The following BASP1 variants were observed in gnomAD, a reference collection of about 807,000 sequenced individuals.
BASP1 encodes brain acid soluble protein 1.
In BASP1, 1 loss-of-function variant was observed where a neutral mutation model predicts 2.2. The observed-to-expected ratio is 0.46, with a 90% CI of 0.16 to 2.17. The LOEUF is 2.17. Among genes scored for constraint, BASP1 ranks in the 30% most tolerant of loss-of-function variants. The pLI is 0.27. For missense variants in BASP1, 352 were observed against 327.2 expected (o/e 1.08, Z -0.58); for synonymous variants, 187 against 154.2 (o/e 1.21, Z -1.58).
chr5:17,259,569 T>C (rs1050598940), intron 1 of BASP1, among the ~76,000 whole-genome samples: 4 of 152,160 alleles, frequency 2.6e-5, no homozygotes, highest in East Asian at 1.9e-4. Context: ...CATTAAAATA[T>C]GAAATAGCAT....
Position 17,276,728 on chromosome 5 carries a change from G to GAAAAAAAAAAAAAAAAAA in BASP1, c.*838_*839insAAAAAAAAAAAAAAAAAA. ...CCAACACACCACTCATTGGAAAATG[G>GAAAAAAAAAAAAAAAAAA]AAAAAAAAAACAAAAAAAAAACAAA... On this transcript the variant is annotated 3_prime_UTR_variant, in exon 2 of 2. Coordinates refer to ENST00000322611, the MANE Select transcript of BASP1 (RefSeq NM_006317.5). 3.5e-5 allele frequency: 2 copies of GAAAAAAAAAAAAAAAAAA among 57,496 alleles called. No individual in the cohort carries two copies. The allele number at this position is 57,496 out of a possible 1,614,324, so 3.6% of individuals were successfully genotyped here.
upstream of BASP1, among the ~76,000 whole-genome samples, chr5:17,217,374 G>A (rs1739272756): frequency 2.3e-5 from 1 of 43,446 alleles, no homozygotes; most frequent in Admixed American, 1.9e-4. Context: ...GCGTGTCCAG[G>A]CTGGAGGGGA....
chr5:17,232,978 TAA>T (rs1055966642), intron 1 of BASP1, among the ~76,000 whole-genome samples: 1 of 152,232 alleles, frequency 6.6e-6, no homozygotes, highest in Non-Finnish European at 1.5e-5. Context: ...TCTTATTAAA[TAA>T]AAAAGTTTGT....
At chr5:17,218,891 T>C (rs922776172) in intron 1 of BASP1, among the ~76,000 whole-genome samples, 1 of 152,150 alleles carries the variant, frequency 6.6e-6, no homozygotes, top group Non-Finnish European at 1.5e-5. Flanking sequence ...CCCAGAGACA[T>C]TTCCGCCTTG....
rs576517154 is a variant in BASP1, at chr5:17,220,559, TAGAG to T, written c.-10+2751_-10+2754del. On this transcript the variant is annotated intron_variant, in intron 1 of 1. Coordinates refer to ENST00000322611, the MANE Select transcript of BASP1 (RefSeq NM_006317.5). ...TAGCTTTTTGCCAAGCTTTAGCAGATAGAGAAATTGAGCCTTTTGATAAAAAGCA... is the reference window on the plus strand; with the variant it reads ...TAGCTTTTTGCCAAGCTTTAGCAGATAAATTGAGCCTTTTGATAAAAAGCA... Among the ~76,000 whole-genome samples, 488 of 152,328 alleles carry T rather than the reference TAGAG, an allele frequency of 3.2e-3. 4 individuals carry two copies. The highest frequency in any genetic ancestry group is 0.011 in the African/African-American group (458 of 41,576).
Position 17,260,026 on chromosome 5 carries a change from A to G in BASP1, c.-9-15182A>G, listed in dbSNP as rs1349340360. 2.0e-5 allele frequency among the ~76,000 whole-genome samples: 3 copies of G among 152,206 alleles called. No individual in the cohort carries two copies. Among genetic ancestry groups the G allele is most frequent in the East Asian group, 3.8e-4 (2 of 5,202 alleles). On this transcript the variant is annotated intron_variant, in intron 1 of 1. Transcript: ENST00000322611. This position sits in a 1 kb window ranked among gnomAD's most constrained non-coding sequence, Gnocchi z 4.2. The stretch of plus-strand genomic sequence containing the variant: ...GCATTTCCTGAGCGGGTTGTGGTTC[A>G]CTTACTCCCTTTATTGACCAAAAGA...
In BASP1 at chr5:17,222,068, A is replaced by G. The variant is rs1982712; in HGVS notation, c.-10+4258A>G. 4.5e-3 allele frequency among the ~76,000 whole-genome samples: 687 copies of G among 152,172 alleles called. 7 individuals are homozygous for G. Among genetic ancestry groups the G allele is most frequent in the African/African-American group, 0.016 (653 of 41,548 alleles). On this transcript the variant is annotated intron_variant, in intron 1 of 1. Transcript: ENST00000322611. ...AATCAACACTTTCAGTGTAATTGAC[A>G]TCACTAACTAATTTCAGTATATTCA... is the stretch of plus-strand genomic sequence containing the variant.
intron 1 of BASP1, among the ~76,000 whole-genome samples, chr5:17,267,848 T>A (rs578014547): frequency 0.016 from 2,232 of 141,182 alleles, 52 homozygotes; most frequent in African/African-American, 0.058. Flanking sequence ...TTTTGCTTTT[T>A]AAAATTTTTT....
At chr5:17,270,481 T>C (rs560890212) in intron 1 of BASP1, among the ~76,000 whole-genome samples, 2 of 152,244 alleles carry the variant, frequency 1.3e-5, no homozygotes, top group South Asian at 4.1e-4. Context: ...AGCGAAGAAG[T>C]AGAGATTTTA....
intron 1 of BASP1, among the ~76,000 whole-genome samples, chr5:17,224,538 G>A (rs2126488106): frequency 6.6e-6 from 1 of 152,208 alleles, no homozygotes; most frequent in South Asian, 2.1e-4. Flanking sequence ...TTTAGAGAGA[G>A]CGATACTAAC....
rs1291217632 is a variant in BASP1, at chr5:17,217,700, A to G, written c.-120A>G. The G allele has an allele frequency of 6.5e-6, 1 of 153,944 alleles. No homozygotes were observed. Among genetic ancestry groups the G allele is most frequent in the African/African-American group, 2.4e-5 (1 of 41,406 alleles). 9.5% of individuals were successfully genotyped at this position (153,944 alleles called of 1,614,324 possible). A position where few individuals can be genotyped will look rare whatever the true frequency, so the allele number is the denominator to read the frequency against. ...CTCCTCGCTCCGGGCTCCGCCGTCGAGCCGGGAGAGAGCCTCCGCCAGCGG... is the reference window on the plus strand; with the variant it reads ...CTCCTCGCTCCGGGCTCCGCCGTCGGGCCGGGAGAGAGCCTCCGCCAGCGG... On this transcript the variant is annotated 5_prime_UTR_variant, in exon 1 of 2. Coordinates refer to ENST00000322611, the MANE Select transcript of BASP1 (RefSeq NM_006317.5).
chr5:17,259,933 G>A (rs368961885), intron 1 of BASP1, among the ~76,000 whole-genome samples: 7 of 152,168 alleles, frequency 4.6e-5, no homozygotes, highest in African/African-American at 1.7e-4. Flanking sequence ...ATTAGTTGTG[G>A]TGATATGATC....
Position 17,275,144 on chromosome 5 carries a change from C to T in BASP1, c.-9-64C>T. The T allele has an allele frequency of 6.5e-7, 1 of 1,546,704 alleles. No homozygotes were observed. Among genetic ancestry groups the T allele is most frequent in the South Asian group, 1.2e-5 (1 of 84,784 alleles). On this transcript the variant is annotated intron_variant, in intron 1 of 1. Transcript: ENST00000322611. This position sits in a 1 kb window ranked among gnomAD's most constrained non-coding sequence, Gnocchi z 5.3. ...GAACCCCTTGCTTTGCAAAATGCAG[C>T]TTTTTGTGGTCCCCACACTTGCCTA...
At chr5:17,234,361 T>A (rs1369908475) in intron 1 of BASP1, among the ~76,000 whole-genome samples, 1 of 152,096 alleles carries the variant, frequency 6.6e-6, no homozygotes, top group Admixed American at 6.6e-5. Flanking sequence ...GATATACACT[T>A]ACACATTTGA....
At chr5:17,227,901 A>G (rs1320903701) in intron 1 of BASP1, among the ~76,000 whole-genome samples, 2 of 152,132 alleles carry the variant, frequency 1.3e-5, no homozygotes, top group African/African-American at 4.8e-5. Context: ...CATATTTCCC[A>G]AGGCTCACCC....
At chr5:17,254,955 T>C (rs571487560) in intron 1 of BASP1, among the ~76,000 whole-genome samples, 5 of 152,306 alleles carry the variant, frequency 3.3e-5, no homozygotes, top group African/African-American at 1.2e-4. Flanking sequence ...TGGTAAATGT[T>C]CCCTCTTTGC....
At chr5:17,270,790 G>A (rs1439289333) in intron 1 of BASP1, among the ~76,000 whole-genome samples, 1 of 152,156 alleles carries the variant, frequency 6.6e-6, no homozygotes, top group Non-Finnish European at 1.5e-5. Flanking sequence ...AATGTAAAAT[G>A]TTGTACTCAC....
At chr5:17,250,793 A>T (rs956191397) in intron 1 of BASP1, among the ~76,000 whole-genome samples, 3 of 151,998 alleles carry the variant, frequency 2.0e-5, no homozygotes, top group African/African-American at 4.8e-5. Flanking sequence ...TTTAGTAGAG[A>T]TGGGGTTTCA....
At chr5:17,267,817 C>CTTTTTTTTTTTTT (rs748938177) in intron 1 of BASP1, among the ~76,000 whole-genome samples, 1 of 33,430 alleles carries the variant, frequency 3.0e-5, no homozygotes, top group Non-Finnish European at 4.9e-5. Context: ...GCTCCCAGCC[C>CTTTTTTTTTTTTT]TTTTTTTTTT....
Sources: gnomAD v4.1 joint callset for allele counts (sites outside exome capture counted in the v4.1 genomes callset) on GRCh38, gnomAD v4.1.1 for gene constraint, Gnocchi (gnomAD v3.1) non-coding constraint, MANE v1.5 for transcripts, NCBI Gene and HGNC (gene_info 2026-07-23, HGNC 2026-07-21) for gene names.